The following HNF4G variants were observed in gnomAD, a reference collection of about 807,000 sequenced individuals.
HNF4G encodes hepatocyte nuclear factor 4-gamma.
HNF4G carries 21 observed loss-of-function variants against 50.9 expected under a neutral mutation model. That is an observed-to-expected ratio of 0.41 (90% confidence interval 0.29 to 0.59). HNF4G has a LOEUF of 0.59. Ranked by LOEUF, HNF4G falls within the 20% of genes least tolerant of loss-of-function variation. HNF4G has a pLI of 0.26. For synonymous variants in HNF4G, 198 were observed against 185.6 expected (o/e 1.07, Z -0.54); for missense variants, 527 against 559.4 (o/e 0.94, Z 0.58).
chr8:75,517,993 T>A (rs934557595), intron 2 of HNF4G, among the ~76,000 whole-genome samples: 3 of 149,792 alleles, frequency 2.0e-5, no homozygotes, highest in Non-Finnish European at 4.4e-5. Context: ...TTTTTTTTAA[T>A]TATTATTATT....
chr8:75,562,473 A>C (rs956955125), intron 9 of HNF4G, among the ~76,000 whole-genome samples: 1 of 147,516 alleles, frequency 6.8e-6, no homozygotes, highest in Non-Finnish European at 1.5e-5. Context: ...AATCAATAGC[A>C]GAAAGAGAGG....
At chr8:75,488,293 A>G (rs1477510610) in intron 1 of HNF4G, among the ~76,000 whole-genome samples, 1 of 152,082 alleles carries the variant, frequency 6.6e-6, no homozygotes, top group African/African-American at 2.4e-5. Flanking sequence ...TTTGTTTTTG[A>G]GATGGAGTCT....
At chr8:75,484,264 G>A (rs751020805) in intron 1 of HNF4G, among the ~76,000 whole-genome samples, 15 of 152,134 alleles carry the variant, frequency 9.9e-5, no homozygotes, top group African/African-American at 1.9e-4. Context: ...TTCATGATGA[G>A]CAATAAACAG....
chr8:75,550,618 T>C (rs145104113), intron 3 of HNF4G, among the ~76,000 whole-genome samples: 1 of 152,250 alleles, frequency 6.6e-6, no homozygotes, highest in African/African-American at 2.4e-5. Flanking sequence ...CTGGTAAACA[T>C]GTGAGTTAAT....
chr8:75,418,722 C>CTTTTTTT (rs560295179), intron 1 of HNF4G, among the ~76,000 whole-genome samples: 4 of 109,386 alleles, frequency 3.7e-5, no homozygotes, highest in Non-Finnish European at 7.4e-5. Flanking sequence ...CTCTCTCTCT[C>CTTTTTTT]TTTTTTTTTT....
chr8:75,562,214 G>C (rs1345010999), intron 9 of HNF4G, among the ~76,000 whole-genome samples: 1 of 152,050 alleles, frequency 6.6e-6, no homozygotes, highest in Non-Finnish European at 1.5e-5. Flanking sequence ...CATTGGTAGG[G>C]AACGTAGAAG....
intron 1 of HNF4G, among the ~76,000 whole-genome samples, chr8:75,423,002 A>G (rs1195956890): frequency 2.0e-5 from 3 of 152,182 alleles, no homozygotes; most frequent in Admixed American, 6.5e-5. Context: ...AGTTAGGAGC[A>G]GAGATGATAT....
At chr8:75,474,199 AC>A (rs1216915647) in intron 1 of HNF4G, among the ~76,000 whole-genome samples, 1 of 152,192 alleles carries the variant, frequency 6.6e-6, no homozygotes, top group African/African-American at 2.4e-5. Flanking sequence ...AGATAACAAA[AC>A]TTAAACAGTT....
chr8:75,560,407 T>C lies in HNF4G; in HGVS notation c.1187T>C (p.Leu396Ser), dbSNP rs767600152. The change falls in exon 9 of 10, where the codon TTA becomes TCA. Residue 396 changes from leucine (L) to serine (S), a missense_variant. Physicochemically the swap from Leu to Ser is moderately radical, Grantham distance 145. Transcript: ENST00000396423. ...PMHPHLSQDPLTGQTILLGPM... is the reference protein window; with the variant it reads ...PMHPHLSQDPSTGQTILLGPM... ...CATCCACATTTGTCTCAAGACCCAT[T>C]AACTGGACAAACTATACTTTTAGGT... is the stretch of plus-strand genomic sequence containing the variant. The C allele has an allele frequency of 6.2e-7, 1 of 1,613,316 alleles. No homozygotes were observed. Among genetic ancestry groups the C allele is most frequent in the Admixed American group, 1.7e-5 (1 of 60,006 alleles).
chr8:75,460,987 C>G (rs1413124740), intron 1 of HNF4G, among the ~76,000 whole-genome samples: 1 of 152,082 alleles, frequency 6.6e-6, no homozygotes, highest in African/African-American at 2.4e-5. Flanking sequence ...TTAATGATTA[C>G]CACACTTGTT....
chr8:75,560,994 TA>T (rs900223888), intron 9 of HNF4G, among the ~76,000 whole-genome samples: 89 of 151,668 alleles, frequency 5.9e-4, no homozygotes, highest in African/African-American at 1.8e-3. Context: ...TATTTCTCTA[TA>T]AAAAAAAATT....
chr8:75,442,965 T>C (rs1032869667), intron 1 of HNF4G, among the ~76,000 whole-genome samples: 1 of 152,144 alleles, frequency 6.6e-6, no homozygotes, highest in East Asian at 1.9e-4. Context: ...GATCTGAATG[T>C]TTGCATCTCC....
intron 2 of HNF4G, among the ~76,000 whole-genome samples, chr8:75,517,709 C>T (rs1171403353): frequency 6.6e-6 from 1 of 152,170 alleles, no homozygotes; most frequent in East Asian, 1.9e-4. Context: ...TGGCTGATTT[C>T]ATGGGCTGGA....
chr8:75,555,337 T>C (rs1043791228), intron 5 of HNF4G, among the ~76,000 whole-genome samples: 2 of 152,138 alleles, frequency 1.3e-5, no homozygotes, highest in Non-Finnish European at 2.9e-5. Context: ...AGGTGTTAAA[T>C]TTGTAATGCT....
intron 6 of HNF4G, 89 bp from the exon 7 acceptor site, chr8:75,558,429 C>G: frequency 3.3e-6 from 4 of 1,209,120 alleles, no homozygotes; most frequent in Non-Finnish European, 4.6e-6. Context: ...CTATTTTAAA[C>G]ACCGGTTTGT....
chr8:75,420,398 A>G (rs907292445), intron 1 of HNF4G, among the ~76,000 whole-genome samples: 2 of 152,222 alleles, frequency 1.3e-5, no homozygotes, highest in African/African-American at 4.8e-5. Flanking sequence ...TACTAGGAAT[A>G]AAGTCCAGAC....
At chr8:75,411,185 G>A (rs769739760) in intron 1 of HNF4G, among the ~76,000 whole-genome samples, 6 of 152,184 alleles carry the variant, frequency 3.9e-5, no homozygotes, top group Non-Finnish European at 7.3e-5. Context: ...ACGTAACTAT[G>A]GCTGCTCCAT....
intron 2 of HNF4G, among the ~76,000 whole-genome samples, chr8:75,530,862 G>C (rs193063295): frequency 2.7e-5 from 4 of 146,044 alleles, no homozygotes; most frequent in Non-Finnish European, 4.4e-5. Flanking sequence ...GTGCGATCTC[G>C]GTTCACTGCA....
chr8:75,564,081 A>T lies in HNF4G; in HGVS notation c.1353A>T (p.Lys451Asn). 6.2e-7 allele frequency: 1 copy of T among 1,613,480 alleles called. No individual in the cohort carries two copies. Among genetic ancestry groups the T allele is most frequent in the Non-Finnish European group, 8.5e-7 (1 of 1,179,576 alleles). The change falls in exon 10 of 10, where the codon AAA becomes AAT. Residue 451 changes from lysine to asparagine, a missense_variant. This residue lies in a region of HNF4G where 308 missense variants were observed against 301.5 expected (regional missense o/e 1.02). Transcript: ENST00000396423. ...TCATTTCACACCAGCATCTCTCCAAACAAAAGCAATTGTGAAAATGTGTTT... is the reference window on the plus strand; with the variant it reads ...TCATTTCACACCAGCATCTCTCCAATCAAAAGCAATTGTGAAAATGTGTTT... ...ASVISHQHLS[K>N]QKQL is the part of the protein sequence containing the mutation.
Sources: gnomAD v4.1 joint callset for allele counts (sites outside exome capture counted in the v4.1 genomes callset) on GRCh38, gnomAD v4.1.1 for gene constraint, gnomAD v4.1.1 regional missense constraint, MANE v1.5 for transcripts, NCBI Gene and HGNC (gene_info 2026-07-23, HGNC 2026-07-21) for gene names.